PARG: variants seen among roughly 807,000 people sequenced by gnomAD.
The protein encoded by PARG is mitochondrial poly(ADP-ribose) glycohydrolase.
A neutral mutation model predicts 113.0 loss-of-function variants in PARG; 35 were observed. The observed-to-expected ratio is 0.31, with a 90% confidence interval of 0.24 to 0.41. The LOEUF (loss-of-function observed/expected upper bound fraction) is 0.41, where lower values mean the gene tolerates loss of function less well. Among genes scored for constraint, PARG ranks in the 10% least tolerant of loss-of-function variants. PARG has a pLI of 1.00. For synonymous variants in PARG, 330 were observed against 409.9 expected (o/e 0.81, Z 2.36); for missense variants, 797 against 1,169.4 (o/e 0.68, Z 4.64).
At chr10:49,845,750 A>T (rs1336376865) in intron 13 of PARG, among the ~76,000 whole-genome samples, 2 of 150,982 alleles carry the variant, frequency 1.3e-5, no homozygotes, top group East Asian at 3.9e-4. Flanking sequence ...TACAAAAATT[A>T]GCTGAACATG....
At position 49,844,376 on chromosome 10, in the gene PARG, G is replaced by A. The variant is rs370193237; in HGVS notation, c.2354-744C>T. ...AGTGGCTCACGCCTGTAATCCTAGC[G>A]CTTTGGGAGTCCGAGGCTGGTGGAT... On this transcript the variant is annotated intron_variant, in intron 13 of 17. Coordinates refer to ENST00000616448, the MANE Select transcript of PARG (RefSeq NM_003631.5). 5.3e-5 allele frequency among the ~76,000 whole-genome samples: 8 copies of A among 152,098 alleles called. No individual in the cohort carries two copies. The East Asian group carries it at 9.7e-4, about 18-fold the overall frequency.
intron 7 of PARG, among the ~76,000 whole-genome samples, chr10:49,900,824 C>T (rs1167295895): frequency 1.3e-5 from 2 of 151,246 alleles, no homozygotes; most frequent in African/African-American, 4.8e-5. Context: ...TTTGTAAACA[C>T]CACCAAACCA....
rs1270435893 is a variant in PARG, at chr10:49,885,431, C to A, written c.1738-136G>T. On this transcript the variant is annotated intron_variant, in intron 7 of 17. Transcript: ENST00000616448. ...ATAAAGTGGCACCCTATCAGCATCACCAAACACATGTACAAATGCATCAAC... is the reference window on the plus strand; with the variant it reads ...ATAAAGTGGCACCCTATCAGCATCAACAAACACATGTACAAATGCATCAAC... 4 of 624,546 alleles carry A rather than the reference C, an allele frequency of 6.4e-6. No individual in the cohort carries two copies. The Admixed American group carries it at 1.1e-4, about 17-fold the overall frequency. The allele number at this position is 624,546 out of a possible 1,614,324, so 38.7% of individuals were successfully genotyped here. A position where few individuals can be genotyped will look rare whatever the true frequency, so the allele number is the denominator to read the frequency against.
chr10:49,827,928 A>G (rs1457176700), intron 16 of PARG, among the ~76,000 whole-genome samples: 1 of 152,060 alleles, frequency 6.6e-6, no homozygotes, highest in African/African-American at 2.4e-5. Context: ...CAATGTAATA[A>G]AATTAGACAT....
At chr10:49,904,843 G>A (rs1554844496) in intron 7 of PARG, among the ~76,000 whole-genome samples, 1 of 152,086 alleles carries the variant, frequency 6.6e-6, no homozygotes, top group Non-Finnish European at 1.5e-5. Flanking sequence ...TTGAACCCAG[G>A]AGGCGGAGGT....
Position 49,933,620 on chromosome 10 carries a change from T to C in PARG, c.828A>G (p.Lys276=), listed in dbSNP as rs2132978242. Residue 276 remains lysine, a synonymous_variant, in exon 3 of 18, where the codon AAA becomes AAG. Transcript: ENST00000616448. The part of the protein sequence containing the change: ...VGSEDVGTGP[K]NDNKLTRQES... ...CTTGTCTAGTCAATTTGTTGTCATT[T>C]TTTGGCCCAGTACCAACATCCTCAG... The C allele has an allele frequency of 6.2e-7, 1 of 1,610,852 alleles. No individual in the cohort carries two copies. Among genetic ancestry groups the C allele is most frequent in the South Asian group, 1.1e-5 (1 of 90,994 alleles).
intron 16 of PARG, among the ~76,000 whole-genome samples, chr10:49,822,245 TG>T (rs1554828786): frequency 3.9e-5 from 6 of 152,068 alleles, no homozygotes; most frequent in African/African-American, 1.5e-4. Context: ...TGTGTGTGTA[TG>T]TGTGTGTATG....
intron 3 of PARG, among the ~76,000 whole-genome samples, chr10:49,932,860 T>A (rs1396512664): frequency 6.6e-6 from 1 of 150,906 alleles, no homozygotes; most frequent in Admixed American, 6.6e-5. Flanking sequence ...TATACAATGG[T>A]CTAGAAGAAT....
intron 8 of PARG, among the ~76,000 whole-genome samples, chr10:49,880,860 A>G (rs1847179773): frequency 6.6e-6 from 1 of 152,366 alleles, no homozygotes; most frequent in Middle Eastern, 3.4e-3. Context: ...CATGACAGAT[A>G]GCAGACCTTG....
intron 7 of PARG, among the ~76,000 whole-genome samples, chr10:49,891,396 A>G (rs368242157): frequency 3.6e-3 from 542 of 151,230 alleles, no homozygotes; most frequent in East Asian, 0.015. Context: ...AAGCTGCTCC[A>G]TTTTCTCTAT....
At chr10:49,887,939 T>C (rs1847578026) in intron 7 of PARG, among the ~76,000 whole-genome samples, 2 of 152,210 alleles carry the variant, frequency 1.3e-5, no homozygotes, top group Non-Finnish European at 2.9e-5. Flanking sequence ...TTCTTTCTTT[T>C]ATCTGTTTTC....
chr10:49,863,519 T>TC lies in PARG; in HGVS notation c.2129+1801dup, dbSNP rs1402353391. Reference sequence around the variant, plus strand: ...CTCATTGACACAGCAGCCTTGCCAGTCTCTGCATTTTGACCTGTCCCTTCT... The same window carrying TC: ...CTCATTGACACAGCAGCCTTGCCAGTCCTCTGCATTTTGACCTGTCCCTTCT... On this transcript the variant is annotated intron_variant, in intron 11 of 17. Coordinates refer to ENST00000616448, the MANE Select transcript of PARG (RefSeq NM_003631.5). 3.8e-3 allele frequency among the ~76,000 whole-genome samples: 252 copies of TC among 65,504 alleles called. 2 individuals carry two copies. The highest frequency in any genetic ancestry group is 6.8e-3 in the Non-Finnish European group (210 of 30,806). The allele number at this position is 65,504 out of a possible 152,430, so 43.0% of individuals were successfully genotyped here.
chr10:49,912,003 G>C (rs532822955), intron 7 of PARG, among the ~76,000 whole-genome samples: 2 of 152,224 alleles, frequency 1.3e-5, no homozygotes, highest in South Asian at 4.2e-4. Flanking sequence ...TTTAAGTAAA[G>C]AATTTCCAAA....
chr10:49,910,232 T>C (rs1387422201), intron 7 of PARG, among the ~76,000 whole-genome samples: 5 of 152,044 alleles, frequency 3.3e-5, no homozygotes, highest in South Asian at 2.1e-4. Flanking sequence ...CAAGAGATGA[T>C]AGGAGAATGC....
At chr10:49,835,409 G>C (rs555982624) in intron 15 of PARG, among the ~76,000 whole-genome samples, 2 of 152,248 alleles carry the variant, frequency 1.3e-5, no homozygotes, top group South Asian at 2.1e-4. Flanking sequence ...AAAGAAAAAG[G>C]AAGCACTGAG....
chr10:49,905,852 C>T (rs1554844816), intron 7 of PARG, among the ~76,000 whole-genome samples: 1 of 152,118 alleles, frequency 6.6e-6, no homozygotes, highest in African/African-American at 2.4e-5. Flanking sequence ...AAGGAGCTGG[C>T]CCAGGGGATA....
At chr10:49,919,983 T>A (rs1837707940) in intron 6 of PARG, among the ~76,000 whole-genome samples, 1 of 152,126 alleles carries the variant, frequency 6.6e-6, no homozygotes, top group Admixed American at 6.6e-5. Flanking sequence ...AGCATACTAT[T>A]TTGGGGTTTG....
chr10:49,835,961 C>T (rs2132416214), intron 15 of PARG, among the ~76,000 whole-genome samples: 1 of 152,196 alleles, frequency 6.6e-6, no homozygotes, highest in Admixed American at 6.5e-5. Flanking sequence ...CTATAGTATT[C>T]AGTATAGTAA....
chr10:49,934,025 T>G lies in PARG; in HGVS notation c.423A>C (p.Lys141Asn). The G allele has an allele frequency of 6.2e-7, 1 of 1,610,964 alleles. No homozygotes were observed. The highest frequency in any genetic ancestry group is 8.5e-7 in the Non-Finnish European group (1 of 1,177,106). Residue 141 changes from lysine (K) to asparagine (N), a missense_variant, in exon 3 of 18, where the codon AAA becomes AAC. Physicochemically the swap from Lys to Asn is moderately conservative, Grantham distance 94. Coordinates refer to ENST00000616448, the MANE Select transcript of PARG (RefSeq NM_003631.5). ...QLSLDKSPTE[K>N]STQYLNQHQT... ...GATGCTGGTTCAAATACTGTGTACT[T>G]TTTTCAGTGGGTGACTTATCAAGAC...
Sources: gnomAD v4.1 joint callset for allele counts (sites outside exome capture counted in the v4.1 genomes callset) on GRCh38, gnomAD v4.1.1 for gene constraint, MANE v1.5 for transcripts, NCBI Gene and HGNC (gene_info 2026-07-23, HGNC 2026-07-21) for gene names.